The following MAP7 variants were observed in gnomAD, a reference collection of about 807,000 sequenced individuals.
MAP7 encodes microtubule associated protein 7, also known as ensconsin.
A neutral mutation model predicts 94.8 loss-of-function variants in MAP7; 52 were observed. The ratio of observed to expected loss-of-function variants is 0.55; its 90% CI spans 0.44 to 0.69. MAP7 has a LOEUF of 0.69. MAP7 is among the 30% of genes least tolerant of loss of function. The pLI, the probability that MAP7 is intolerant of heterozygous loss-of-function variation, is 0.00. For synonymous variants in MAP7, 350 were observed against 357.0 expected (o/e 0.98, Z 0.22); for missense variants, 940 against 964.6 (o/e 0.97, Z 0.34).
chr6:136,530,541 A>G lies in MAP7; in HGVS notation c.67+19801T>C, dbSNP rs190391254. Reference sequence around the variant, plus strand: ...GCCAGCACAGGTTGACATGGAATCAAACAACCACTAAGGAACAAAGGGTCC... The same window carrying G: ...GCCAGCACAGGTTGACATGGAATCAGACAACCACTAAGGAACAAAGGGTCC... On this transcript the variant is annotated intron_variant, in intron 1 of 17. Transcript: ENST00000354570. 4.8e-4 allele frequency among the ~76,000 whole-genome samples: 71 copies of G among 147,130 alleles called. 9 individuals are homozygous for G. The highest frequency in any genetic ancestry group is 1.8e-3 in the African/African-American group (67 of 36,760).
intron 1 of MAP7, among the ~76,000 whole-genome samples, chr6:136,509,462 A>G (rs1432847184): frequency 6.6e-6 from 1 of 152,132 alleles, no homozygotes; most frequent in Non-Finnish European, 1.5e-5. Flanking sequence ...TATGTTGCCC[A>G]GGCTGGTTTC....
At chr6:136,361,296 C>T in intron 11 of MAP7, 117 bp from the exon 12 acceptor site, 2 of 984,714 alleles carry the variant, frequency 2.0e-6, no homozygotes, top group Non-Finnish European at 1.5e-6. Context: ...AGAAAAATCC[C>T]CACTGGATGC....
intron 1 of MAP7, among the ~76,000 whole-genome samples, chr6:136,509,620 A>T (rs902216730): frequency 2.0e-5 from 3 of 152,072 alleles, no homozygotes; most frequent in Non-Finnish European, 4.4e-5. Flanking sequence ...GTGCAGTGGC[A>T]TGATTATAGC....
chr6:136,387,748 A>T lies in MAP7; in HGVS notation c.526+645T>A, dbSNP rs188503261. 8.7e-5 allele frequency among the ~76,000 whole-genome samples: 13 copies of T among 149,484 alleles called. 1 individual carries two copies. The highest frequency in any genetic ancestry group is 7.8e-4 in the East Asian group (4 of 5,114). Reference sequence around the variant, plus strand: ...AACAATGATTTTTCAAAGCAAATTTAAAAAAAAAAGGTTATCAGATTCACA... The same window carrying T: ...AACAATGATTTTTCAAAGCAAATTTTAAAAAAAAAGGTTATCAGATTCACA... On this transcript the variant is annotated intron_variant, in intron 5 of 17. Transcript: ENST00000354570.
intron 1 of MAP7, among the ~76,000 whole-genome samples, chr6:136,528,855 T>C (rs1259099568): frequency 1.3e-5 from 2 of 152,054 alleles, no homozygotes; most frequent in Non-Finnish European, 2.9e-5. Context: ...ATTTTTTTCC[T>C]TCCCTTATAA....
intron 3 of MAP7, among the ~76,000 whole-genome samples, chr6:136,391,743 G>A (rs1011468820): frequency 1.3e-5 from 2 of 150,472 alleles, no homozygotes; most frequent in African/African-American, 4.9e-5. Context: ...ATACCACTGT[G>A]AGAACACACT....
chr6:136,350,973 C>T lies in MAP7; in HGVS notation c.2016-4894G>A, dbSNP rs111964642. Among the ~76,000 whole-genome samples, 286 of 152,160 alleles carry T rather than the reference C, an allele frequency of 1.9e-3. 1 individual carries two copies. Among genetic ancestry groups the T allele is most frequent in the African/African-American group, 6.6e-3 (275 of 41,502 alleles). On this transcript the variant is annotated intron_variant, in intron 16 of 17. Coordinates refer to ENST00000354570, the MANE Select transcript of MAP7 (RefSeq NM_003980.6). ...GTGCTAGGTTTAGTTTTATAATAATCGGAAGACAAGCAGGATAAAATTTAA... is the reference window on the plus strand; with the variant it reads ...GTGCTAGGTTTAGTTTTATAATAATTGGAAGACAAGCAGGATAAAATTTAA...
At chr6:136,383,599 T>C (rs1426718849) in intron 6 of MAP7, 72 bp downstream of exon 6, 3 of 825,852 alleles carry the variant, frequency 3.6e-6, no homozygotes, top group East Asian at 3.0e-5. Context: ...TGCTTATTTT[T>C]ATCTGTAAAC....
intron 1 of MAP7, among the ~76,000 whole-genome samples, chr6:136,478,375 G>A (rs1028713668): frequency 1.3e-5 from 2 of 152,150 alleles, no homozygotes; most frequent in Admixed American, 6.5e-5. Flanking sequence ...TTGAGGCCAG[G>A]AGTTCAAGAC....
intron 1 of MAP7, among the ~76,000 whole-genome samples, chr6:136,447,556 A>G (rs189170761): frequency 1.0e-3 from 157 of 152,334 alleles, no homozygotes; most frequent in Middle Eastern, 3.4e-3. Context: ...AAAAACTTAA[A>G]CAGGAAAAAA....
intron 1 of MAP7, among the ~76,000 whole-genome samples, chr6:136,436,382 T>A (rs1222876305): frequency 8.3e-6 from 1 of 121,066 alleles, no homozygotes; most frequent in African/African-American, 4.0e-5. Context: ...TAAAAGATGA[T>A]TTTTTTTTTT....
At chr6:136,513,710 A>G (rs1171072235) in intron 1 of MAP7, among the ~76,000 whole-genome samples, 1 of 152,144 alleles carries the variant, frequency 6.6e-6, no homozygotes, top group Non-Finnish European at 1.5e-5. Context: ...CTCAATGTGT[A>G]CTCAGAAGTG....
chr6:136,369,872 G>A (rs1053960507), intron 8 of MAP7, among the ~76,000 whole-genome samples: 1 of 152,108 alleles, frequency 6.6e-6, no homozygotes, highest in Admixed American at 6.5e-5. Context: ...TGATTTCTTG[G>A]ATATAACACT....
chr6:136,547,610 G>T (rs1004417244), intron 1 of MAP7, among the ~76,000 whole-genome samples: 3 of 151,868 alleles, frequency 2.0e-5, no homozygotes, highest in African/African-American at 7.3e-5. Context: ...TTGGCTGTTG[G>T]CAAGAAAAAT....
At chr6:136,493,727 T>C (rs192297763) in intron 1 of MAP7, among the ~76,000 whole-genome samples, 1 of 152,312 alleles carries the variant, frequency 6.6e-6, no homozygotes, top group East Asian at 1.9e-4. Context: ...ACCGAGAGCA[T>C]TGTATCGTTC....
At chr6:136,459,837 C>T (rs1013661783) in intron 1 of MAP7, among the ~76,000 whole-genome samples, 2 of 152,054 alleles carry the variant, frequency 1.3e-5, no homozygotes, top group African/African-American at 4.8e-5. Context: ...CAACATGATG[C>T]CTATGGTTAA....
chr6:136,370,905 C>CT (rs67002671), intron 8 of MAP7, among the ~76,000 whole-genome samples: 92 of 149,312 alleles, frequency 6.2e-4, no homozygotes, highest in African/African-American at 1.7e-3. Flanking sequence ...ACGTTACATG[C>CT]TTTTTTTTTT....
intron 3 of MAP7, among the ~76,000 whole-genome samples, chr6:136,396,176 T>C (rs1403552636): frequency 1.7e-4 from 26 of 152,200 alleles, no homozygotes; most frequent in Non-Finnish European, 3.7e-4. Flanking sequence ...ATATTAATTG[T>C]TCCAATTCAT....
intron 6 of MAP7, among the ~76,000 whole-genome samples, chr6:136,380,231 C>T (rs113754121): frequency 0.02 from 3,055 of 152,192 alleles, 105 homozygotes; most frequent in African/African-American, 0.069. Context: ...AATAAATGAT[C>T]GGGGCTAAAC....
Sources: allele counts gnomAD v4.1 joint callset (sites outside exome capture counted in the v4.1 genomes callset), GRCh38; gene constraint gnomAD v4.1.1; transcripts MANE v1.5; gene names NCBI Gene and HGNC (gene_info 2026-07-23, HGNC 2026-07-21).